The following PCDH9 variants were observed in gnomAD, a reference collection of about 807,000 sequenced individuals.
PCDH9 encodes protocadherin-9.
A neutral mutation model predicts 70.6 loss-of-function variants in PCDH9; 24 were observed. That is an observed-to-expected ratio of 0.34 (90% CI 0.25 to 0.48). The LOEUF is 0.48. Ranked by LOEUF, PCDH9 falls within the 20% of genes least tolerant of loss-of-function variation. The pLI is 0.99. For synonymous variants in PCDH9, 562 were observed against 558.5 expected, an observed-to-expected ratio of 1.01 and a Z score of -0.09; for missense variants, 1,281 against 1,503.6, an observed-to-expected ratio of 0.85 and a Z score of 2.45.
intron 4 of PCDH9, among the ~76,000 whole-genome samples, chr13:66,512,365 T>C (rs1243735871): frequency 1.3e-5 from 2 of 151,402 alleles, no homozygotes; most frequent in Admixed American, 6.6e-5. Flanking sequence ...GTGTCAATTA[T>C]ATATAAATGA....
chr13:66,738,738 A>G (rs555901814), intron 3 of PCDH9, among the ~76,000 whole-genome samples: 4 of 152,052 alleles, frequency 2.6e-5, no homozygotes, highest in African/African-American at 9.6e-5. Flanking sequence ...AAGACAGGGT[A>G]TCAGCAATGG....
At chr13:66,536,443 T>C (rs1448212929) in intron 4 of PCDH9, among the ~76,000 whole-genome samples, 1 of 152,124 alleles carries the variant, frequency 6.6e-6, no homozygotes, top group Non-Finnish European at 1.5e-5. Flanking sequence ...AAAATTTTTG[T>C]TGTGTTCTTA....
At chr13:67,078,681 G>A (rs913857455) in intron 2 of PCDH9, among the ~76,000 whole-genome samples, 2 of 151,982 alleles carry the variant, frequency 1.3e-5, no homozygotes, top group Admixed American at 6.6e-5. Flanking sequence ...TAGCTCTTCC[G>A]AAACAATATT....
intron 3 of PCDH9, among the ~76,000 whole-genome samples, chr13:66,800,002 T>C (rs879264537): frequency 3.3e-5 from 5 of 152,138 alleles, no homozygotes; most frequent in Non-Finnish European, 7.3e-5. Flanking sequence ...TGCCTCAGAG[T>C]ATGTTTTCTA....
Position 66,663,177 on chromosome 13 carries a change from T to G in PCDH9, c.3139-31766A>C, listed in dbSNP as rs371102765. On this transcript the variant is annotated intron_variant, in intron 3 of 4. Transcript: ENST00000377865. ...GACTTAATGATACTGGCTTATGATA[T>G]TTCACAAGTGTTTTTGGGAAGATTT... Among the ~76,000 whole-genome samples the G allele has an allele frequency of 9.8e-5, 15 of 152,358 alleles. No individual in the cohort carries two copies. In the East Asian group the frequency reaches 1.2e-3, roughly 12 times the overall value.
chr13:66,512,328 G>A (rs1959519553), intron 4 of PCDH9, among the ~76,000 whole-genome samples: 2 of 149,368 alleles, frequency 1.3e-5, no homozygotes, highest in South Asian at 2.1e-4. Context: ...CATGAGAAGC[G>A]AGCTATTAAC....
At chr13:66,553,173 A>T (rs1961569220) in intron 4 of PCDH9, among the ~76,000 whole-genome samples, 1 of 152,170 alleles carries the variant, frequency 6.6e-6, no homozygotes, top group South Asian at 2.1e-4. Context: ...CAAAAAGAAC[A>T]TTCAATTCCA....
chr13:66,370,986 G>C (rs539575679), intron 4 of PCDH9, among the ~76,000 whole-genome samples: 1 of 152,110 alleles, frequency 6.6e-6, no homozygotes, highest in African/African-American at 2.4e-5. Flanking sequence ...ATATTTTGCT[G>C]CCTTTATTAG....
chr13:67,154,575 CAAAAAAA>C (rs753995213), intron 2 of PCDH9, among the ~76,000 whole-genome samples: 5 of 37,266 alleles, frequency 1.3e-4, no homozygotes, highest in African/African-American at 5.0e-4. Flanking sequence ...GACCCTGTCT[CAAAAAAA>C]AAAAAAAAAA....
At chr13:66,828,575 A>C (rs2080865094) in intron 3 of PCDH9, among the ~76,000 whole-genome samples, 1 of 152,182 alleles carries the variant, frequency 6.6e-6, no homozygotes, top group Non-Finnish European at 1.5e-5. Flanking sequence ...TGTTTTTTAA[A>C]AGTCTATCAG....
chr13:67,072,350 C>T (rs2085783149), intron 2 of PCDH9, among the ~76,000 whole-genome samples: 1 of 152,148 alleles, frequency 6.6e-6, no homozygotes, highest in Non-Finnish European at 1.5e-5. Flanking sequence ...CACTCAAACT[C>T]AGAAAATTTA....
At chr13:66,772,497 G>A (rs2079823820) in intron 3 of PCDH9, among the ~76,000 whole-genome samples, 1 of 152,016 alleles carries the variant, frequency 6.6e-6, no homozygotes, top group African/African-American at 2.4e-5. Flanking sequence ...TTATATTAGA[G>A]TCTATTATTG....
intron 4 of PCDH9, among the ~76,000 whole-genome samples, chr13:66,383,301 A>G (rs1230010316): frequency 6.6e-6 from 1 of 152,068 alleles, no homozygotes; most frequent in Admixed American, 6.6e-5. Context: ...TACATATTTT[A>G]CTCTCATAAC....
At chr13:66,315,596 C>T (rs939601403) in intron 4 of PCDH9, among the ~76,000 whole-genome samples, 2 of 152,186 alleles carry the variant, frequency 1.3e-5, no homozygotes, top group Non-Finnish European at 1.5e-5. Context: ...ATTCTCCTGC[C>T]TCCGCCTCCT....
intron 2 of PCDH9, among the ~76,000 whole-genome samples, chr13:67,083,200 T>G (rs1254251921): frequency 6.6e-6 from 1 of 152,148 alleles, no homozygotes; most frequent in Non-Finnish European, 1.5e-5. Context: ...AAATAACATA[T>G]GTATTATTAA....
intron 2 of PCDH9, among the ~76,000 whole-genome samples, chr13:67,099,147 G>T (rs1033544191): frequency 6.6e-6 from 1 of 152,174 alleles, no homozygotes; most frequent in Non-Finnish European, 1.5e-5. Context: ...ATGTAGAAAC[G>T]CTGTGAATAC....
intron 4 of PCDH9, among the ~76,000 whole-genome samples, chr13:66,549,430 C>G (rs1290612003): frequency 1.3e-5 from 2 of 152,032 alleles, no homozygotes; most frequent in African/African-American, 4.8e-5. Flanking sequence ...CTTACATGTA[C>G]TGTATTACAT....
At chr13:66,649,767 A>G (rs2077823934) in intron 3 of PCDH9, among the ~76,000 whole-genome samples, 1 of 152,106 alleles carries the variant, frequency 6.6e-6, no homozygotes, top group African/African-American at 2.4e-5. Context: ...ATTTCAAGAC[A>G]TCAATGGTAC....
intron 4 of PCDH9, among the ~76,000 whole-genome samples, chr13:66,605,724 AT>A (rs1245166370): frequency 2.0e-5 from 3 of 152,124 alleles, no homozygotes. Flanking sequence ...TTTTTCATAC[AT>A]TATCTTAATA....
Sources: allele counts gnomAD v4.1 joint callset (sites outside exome capture counted in the v4.1 genomes callset), GRCh38; gene constraint gnomAD v4.1.1; transcripts MANE v1.5; gene names NCBI Gene and HGNC (gene_info 2026-07-23, HGNC 2026-07-21).